Variants in ARMC2 observed in about 807,000 individuals in gnomAD.
ARMC2 encodes the protein armadillo repeat containing 2.
ARMC2 carries 67 observed loss-of-function variants against 90.3 expected under a neutral mutation model. That is an observed-to-expected ratio of 0.74 (90% CI 0.61 to 0.91). The LOEUF is 0.91. Among genes scored for constraint, ARMC2 ranks in the 40% least tolerant of loss-of-function variants. The pLI is 0.00. For synonymous variants in ARMC2, 393 were observed against 393.0 expected, an observed-to-expected ratio of 1.00 and a Z score of 0.00; for missense variants, 920 against 1,030.9, an observed-to-expected ratio of 0.89 and a Z score of 1.47.
intron 12 of ARMC2, among the ~76,000 whole-genome samples, chr6:108,940,840 T>G (rs1446092801): frequency 6.6e-6 from 1 of 152,190 alleles, no homozygotes; most frequent in Non-Finnish European, 1.5e-5. Context: ...AACTCCAGTA[T>G]CAACACATAA....
the ARMC2 span, among the ~76,000 whole-genome samples, chr6:109,025,039 C>T: frequency 1.3e-5 from 2 of 152,006 alleles, no homozygotes; most frequent in Non-Finnish European, 2.9e-5. Flanking sequence ...CCCCAGGGAC[C>T]TAGAGCAGCA....
chr6:108,964,188 T>C lies in ARMC2; in HGVS notation c.2161T>C (p.Phe721Leu), dbSNP rs1202287778. Residue 721 changes from phenylalanine to leucine, a missense_variant, in exon 16 of 18, where the codon TTC becomes CTC. Coordinates refer to ENST00000392644, the MANE Select transcript of ARMC2 (RefSeq NM_032131.6). The part of the protein sequence containing the change: ...DFIVQNNVHR[F>L]MMALLDAQHQ... Reference sequence around the variant, plus strand: ...GCTCTCTTCCCTCGTAGTCCACAGGTTCATGATGGCGCTGCTGGATGCTCA... The same window carrying C: ...GCTCTCTTCCCTCGTAGTCCACAGGCTCATGATGGCGCTGCTGGATGCTCA... 10 of 1,613,568 alleles carry C rather than the reference T, an allele frequency of 6.2e-6. No individual in the cohort carries two copies. In the South Asian group the frequency reaches 6.6e-5, roughly 11 times the overall value.
chr6:109,030,282 T>C, the ARMC2 span, among the ~76,000 whole-genome samples: 4 of 152,198 alleles, frequency 2.6e-5, no homozygotes, highest in African/African-American at 9.6e-5. Flanking sequence ...ATAAAAAGAA[T>C]GGATCTAGAA....
At chr6:108,965,213 G>A (rs1778276910) in intron 17 of ARMC2, 73 bp downstream of exon 17, 9 of 1,325,294 alleles carry the variant, frequency 6.8e-6, no homozygotes, top group South Asian at 5.6e-5. Flanking sequence ...TGACCTGTTC[G>A]GATAAATATT....
chr6:109,048,104 T>TA, the ARMC2 span, among the ~76,000 whole-genome samples: 273 of 146,832 alleles, frequency 1.9e-3, 1 homozygote, highest in African/African-American at 5.1e-3. Flanking sequence ...AAAAATAAAT[T>TA]AAAAAAAAAA....
chr6:108,853,417 C>G (rs889312999), intron 1 of ARMC2, among the ~76,000 whole-genome samples: 1 of 152,014 alleles, frequency 6.6e-6, no homozygotes, highest in African/African-American at 2.4e-5. Context: ...AATTGGGTAG[C>G]TGAAATAGGT....
chr6:109,028,043 A>G, the ARMC2 span, among the ~76,000 whole-genome samples: 2 of 151,954 alleles, frequency 1.3e-5, no homozygotes, highest in Non-Finnish European at 2.9e-5. Context: ...TCTTTTGAAA[A>G]TCATGTTTTA....
At chr6:108,912,677 C>A in intron 10 of ARMC2, 119 bp downstream of exon 10, 1 of 887,108 alleles carries the variant, frequency 1.1e-6, no homozygotes, top group Non-Finnish European at 1.7e-6. Context: ...GCCTGGCCTC[C>A]AAGGGCAGCA....
At chr6:108,889,252 T>C (rs1026273667) in intron 5 of ARMC2, among the ~76,000 whole-genome samples, 1 of 151,948 alleles carries the variant, frequency 6.6e-6, no homozygotes, top group Non-Finnish European at 1.5e-5. Context: ...TTCAAGCGAT[T>C]CTCCTGCCTC....
chr6:108,864,324 C>T (rs1775582921), intron 3 of ARMC2, among the ~76,000 whole-genome samples: 1 of 149,902 alleles, frequency 6.7e-6, no homozygotes, highest in Admixed American at 6.7e-5. Flanking sequence ...TCTCAGCTCA[C>T]TGCAACCATT....
the ARMC2 span, among the ~76,000 whole-genome samples, chr6:109,018,822 T>G: frequency 6.6e-6 from 1 of 152,202 alleles, no homozygotes; most frequent in Admixed American, 6.5e-5. Context: ...ATGACTTCTA[T>G]AGTTCATTAC....
intron 3 of ARMC2, among the ~76,000 whole-genome samples, chr6:108,860,749 G>A (rs957136338): frequency 2.6e-5 from 4 of 152,034 alleles, no homozygotes; most frequent in African/African-American, 9.7e-5. Context: ...GTAGTTAGGG[G>A]GATCTGACTG....
At chr6:108,976,233 T>C (rs1006412234), downstream of ARMC2, among the ~76,000 whole-genome samples, 1 of 152,212 alleles carries the variant, frequency 6.6e-6, no homozygotes, top group Admixed American at 6.5e-5. Flanking sequence ...GGCTAGCCAG[T>C]TTTCCCAACA....
At chr6:109,009,777 G>C in the ARMC2 span, among the ~76,000 whole-genome samples, 1 of 152,108 alleles carries the variant, frequency 6.6e-6, no homozygotes, top group Non-Finnish European at 1.5e-5. Flanking sequence ...TACGGAATGG[G>C]CTCTGGAGGG....
chr6:108,883,591 T>C (rs1777798314), intron 5 of ARMC2, among the ~76,000 whole-genome samples: 1 of 152,210 alleles, frequency 6.6e-6, no homozygotes, highest in Non-Finnish European at 1.5e-5. Context: ...AATTGCAATA[T>C]ATAGTTGAAA....
At chr6:108,994,656 TATATG>T in the ARMC2 span, 1 of 1,425,752 alleles carries the variant, frequency 7.0e-7, no homozygotes, top group Non-Finnish European at 9.5e-7. Context: ...ACATAGAATA[TATATG>T]AATTATCTTT....
the ARMC2 span, among the ~76,000 whole-genome samples, chr6:109,024,190 C>T: frequency 6.6e-6 from 1 of 152,106 alleles, no homozygotes; most frequent in Admixed American, 6.5e-5. Flanking sequence ...CAGTGGAAAA[C>T]CCTTCACCTG....
At chr6:108,936,074 A>G (rs1162599131) in intron 11 of ARMC2, among the ~76,000 whole-genome samples, 1 of 152,124 alleles carries the variant, frequency 6.6e-6, no homozygotes, top group Non-Finnish European at 1.5e-5. Flanking sequence ...GGGTTTGTCA[A>G]TATTGCCTTA....
chr6:108,871,625 AC>A lies in ARMC2; in HGVS notation c.463+2633del, dbSNP rs771613623. Among the ~76,000 whole-genome samples, 234 of 151,866 alleles carry A rather than the reference AC, an allele frequency of 1.5e-3. 1 individual carries two copies. Among genetic ancestry groups the A allele is most frequent in the Non-Finnish European group, 2.5e-3 (169 of 67,962 alleles). On this transcript the variant is annotated intron_variant, in intron 4 of 17. Transcript: ENST00000392644. ...AACTTTTGGGAGTGCATGCTAGAAA[AC>A]CCTGCTGCTTGCTGAGGTACACACT...
Sources: allele counts gnomAD v4.1 joint callset (sites outside exome capture counted in the v4.1 genomes callset), GRCh38; gene constraint gnomAD v4.1.1; transcripts MANE v1.5; gene names NCBI Gene and HGNC (gene_info 2026-07-23, HGNC 2026-07-21).